NALF1: variants seen among roughly 807,000 people sequenced by gnomAD.
The protein encoded by NALF1 is NALCN channel auxiliary factor 1, also known as family with sequence similarity 155 member A.
NALF1 carries 3 observed loss-of-function variants against 48.4 expected under a neutral mutation model. That is an observed-to-expected ratio of 0.06 (90% confidence interval 0.03 to 0.16). The LOEUF (loss-of-function observed/expected upper bound fraction) is 0.16. NALF1 is among the 10% of genes least tolerant of loss of function. NALF1 has a pLI of 1.00. For synonymous variants in NALF1, 262 were observed against 245.7 expected (o/e 1.07, Z -0.62); for missense variants, 526 against 571.5 (o/e 0.92, Z 0.81).
chr13:107,746,128 C>T (rs942102001), intron 1 of NALF1, among the ~76,000 whole-genome samples: 3 of 152,102 alleles, frequency 2.0e-5, no homozygotes, highest in African/African-American at 7.2e-5. Flanking sequence ...ATGAAACAAC[C>T]AATTTATTGT....
chr13:107,253,162 G>A (rs1880737554), intron 1 of NALF1, among the ~76,000 whole-genome samples: 1 of 97,448 alleles, frequency 1.0e-5, no homozygotes, highest in South Asian at 4.4e-4. Flanking sequence ...CTGAAATACT[G>A]GGACTTCTTT....
intron 1 of NALF1, among the ~76,000 whole-genome samples, chr13:107,658,823 G>A (rs986465489): frequency 6.6e-6 from 1 of 151,924 alleles, no homozygotes; most frequent in South Asian, 2.1e-4. Flanking sequence ...AAGTTCCTCT[G>A]CCTTAACACC....
At chr13:107,359,480 G>T (rs552366058) in intron 1 of NALF1, among the ~76,000 whole-genome samples, 1 of 152,144 alleles carries the variant, frequency 6.6e-6, no homozygotes, top group Non-Finnish European at 1.5e-5. Context: ...AACTGAATAT[G>T]CTTTTAAAAG....
intron 1 of NALF1, among the ~76,000 whole-genome samples, chr13:107,280,757 G>A (rs993330222): frequency 2.0e-5 from 3 of 151,880 alleles, no homozygotes; most frequent in African/African-American, 7.3e-5. Context: ...AAATAGTCTC[G>A]AAAAAAAGTA....
chr13:107,277,874 G>T (rs1322895286), intron 1 of NALF1, among the ~76,000 whole-genome samples: 3 of 152,202 alleles, frequency 2.0e-5, no homozygotes, highest in Non-Finnish European at 4.4e-5. Context: ...GCCAGACACT[G>T]GGTAAGTGCT....
Position 107,454,252 on chromosome 13 carries a change from G to A in NALF1, c.916-243497C>T, listed in dbSNP as rs190135942. On this transcript the variant is annotated intron_variant, in intron 1 of 2. Coordinates refer to ENST00000375915, the MANE Select transcript of NALF1 (RefSeq NM_001080396.3). ...TGGTACCAATTTACCATATTAGTCC[G>A]TTTTCATACTACTGTAAAGAACTGC... Among the ~76,000 whole-genome samples, 322 of 152,182 alleles carry A rather than the reference G, an allele frequency of 2.1e-3. 1 individual carries two copies. Among genetic ancestry groups the A allele is most frequent in the South Asian group, 0.012 (57 of 4,822 alleles).
At chr13:107,278,319 C>A (rs12586090) in intron 1 of NALF1, among the ~76,000 whole-genome samples, 1 of 152,136 alleles carries the variant, frequency 6.6e-6, no homozygotes, top group Non-Finnish European at 1.5e-5. Flanking sequence ...CCAAATTAGA[C>A]TTTTTAAAAA....
chr13:107,559,131 T>G (rs1186150692), intron 1 of NALF1, among the ~76,000 whole-genome samples: 1 of 152,208 alleles, frequency 6.6e-6, no homozygotes, highest in Admixed American at 6.5e-5. Context: ...AGAGCTCTAA[T>G]ACACACCCCA....
chr13:107,706,503 T>C (rs1219283026), intron 1 of NALF1, among the ~76,000 whole-genome samples: 1 of 152,224 alleles, frequency 6.6e-6, no homozygotes, highest in Admixed American at 6.5e-5. Context: ...ATTTATTTCT[T>C]CATGTCTAAT....
chr13:107,802,005 T>C (rs1040399200), intron 1 of NALF1, among the ~76,000 whole-genome samples: 16 of 152,000 alleles, frequency 1.1e-4, no homozygotes, highest in African/African-American at 3.9e-4. Flanking sequence ...ATTTGGAAAT[T>C]TTTTAAAAAG....
At chr13:107,215,412 T>C (rs1175645570) in intron 1 of NALF1, among the ~76,000 whole-genome samples, 1 of 152,122 alleles carries the variant, frequency 6.6e-6, no homozygotes, top group Non-Finnish European at 1.5e-5. Context: ...ACAGGCCTGT[T>C]TGAAGAGGTG....
intron 1 of NALF1, among the ~76,000 whole-genome samples, chr13:107,509,974 T>G (rs1875831417): frequency 6.6e-6 from 1 of 152,060 alleles, no homozygotes; most frequent in Non-Finnish European, 1.5e-5. Context: ...GCCCAGCTAA[T>G]TTTTCATGTA....
intron 1 of NALF1, among the ~76,000 whole-genome samples, chr13:107,734,772 AATAATG>A (rs1416481446): frequency 6.6e-6 from 1 of 152,122 alleles, no homozygotes; most frequent in African/African-American, 2.4e-5. Context: ...GGCTCCCATT[AATAATG>A]ATGATGATGA....
At chr13:107,368,911 C>T (rs1883199954) in intron 1 of NALF1, among the ~76,000 whole-genome samples, 1 of 152,198 alleles carries the variant, frequency 6.6e-6, no homozygotes, top group African/African-American at 2.4e-5. Context: ...TGCCCATCCC[C>T]TCAGTGCATC....
chr13:107,516,304 T>C (rs2139091830), intron 1 of NALF1, among the ~76,000 whole-genome samples: 1 of 152,234 alleles, frequency 6.6e-6, no homozygotes. Context: ...ATAAACTAAC[T>C]CATCAGTGTG....
In NALF1 at chr13:107,294,016, C is replaced by T. The variant is rs554543393; in HGVS notation, c.916-83261G>A. Among the ~76,000 whole-genome samples, 62 of 152,254 alleles carry T rather than the reference C, an allele frequency of 4.1e-4. 1 individual carries two copies. In the South Asian group the frequency reaches 9.9e-3, roughly 24 times the overall value. The stretch of plus-strand genomic sequence containing the variant: ...ACCATGTTAGCTACGTCTCTAGATG[C>T]GGAGAGCACTTGTTTTGCTTTCCTT... On this transcript the variant is annotated intron_variant, in intron 1 of 2. Transcript: ENST00000375915.
chr13:107,557,624 T>C (rs143831075), intron 1 of NALF1, among the ~76,000 whole-genome samples: 1 of 152,260 alleles, frequency 6.6e-6, no homozygotes, highest in Non-Finnish European at 1.5e-5. Context: ...CTCTTTGGAT[T>C]ATTTTGGTTT....
intron 1 of NALF1, among the ~76,000 whole-genome samples, chr13:107,340,529 T>A (rs1388473066): frequency 6.6e-6 from 1 of 151,610 alleles, no homozygotes; most frequent in Non-Finnish European, 1.5e-5. Context: ...TCTCTCTTTT[T>A]TTTTTTAATA....
chr13:107,368,348 A>T (rs1883188151), intron 1 of NALF1, among the ~76,000 whole-genome samples: 1 of 145,800 alleles, frequency 6.9e-6, no homozygotes, highest in Non-Finnish European at 1.5e-5. Context: ...ATGGAGTCTC[A>T]CTCTGTTGCC....
Sources: gnomAD v4.1 joint callset for allele counts (sites outside exome capture counted in the v4.1 genomes callset) on GRCh38, gnomAD v4.1.1 for gene constraint, MANE v1.5 for transcripts, NCBI Gene and HGNC (gene_info 2026-07-23, HGNC 2026-07-21) for gene names.